SLC30A7: variants seen among roughly 807,000 people sequenced by gnomAD.
The protein encoded by SLC30A7 is zinc transporter 7.
A neutral mutation model predicts 46.0 loss-of-function variants in SLC30A7; 35 were observed. The ratio of observed to expected loss-of-function variants is 0.76; its 90% CI spans 0.58 to 1.01. The LOEUF is 1.01. Among genes scored for constraint, SLC30A7 ranks in the 50% least tolerant of loss-of-function variants. The pLI, the probability that SLC30A7 is intolerant of heterozygous loss-of-function variation, is 0.00. For missense variants in SLC30A7, 464 were observed against 451.1 expected (o/e 1.03, Z -0.26); for synonymous variants, 147 against 157.8 (o/e 0.93, Z 0.51).
intron 5 of SLC30A7, 78 bp from the exon 6 acceptor site, chr1:100,913,585 G>A (rs565824438): frequency 1.0e-6 from 1 of 1,000,866 alleles, no homozygotes; most frequent in African/African-American, 1.6e-5. Context: ...CTGATTCTTT[G>A]CGCTAGTGTC....
intron 10 of SLC30A7, among the ~76,000 whole-genome samples, chr1:100,966,992 G>T (rs930571056): frequency 2.0e-5 from 3 of 152,122 alleles, no homozygotes; most frequent in African/African-American, 4.8e-5. Flanking sequence ...TTCAGTTAAG[G>T]CTCATGCCAT....
chr1:100,934,855 A>G (rs1653857348), intron 8 of SLC30A7, among the ~76,000 whole-genome samples: 1 of 152,130 alleles, frequency 6.6e-6, no homozygotes. Flanking sequence ...TACCCATGTA[A>G]GAAACTGCTC....
chr1:100,990,629 C>A, the SLC30A7 span: 1 of 1,612,898 alleles, frequency 6.2e-7, no homozygotes, highest in South Asian at 1.1e-5. Context: ...TCCTCGGTAA[C>A]TGCTATTAAA....
intron 8 of SLC30A7, among the ~76,000 whole-genome samples, chr1:100,957,940 T>G (rs2101079737): frequency 6.6e-6 from 1 of 152,328 alleles, no homozygotes; most frequent in Admixed American, 6.5e-5. Context: ...CCATCATTTT[T>G]TTCTTTGCCT....
intron 8 of SLC30A7, among the ~76,000 whole-genome samples, chr1:100,933,139 C>T (rs917998402): frequency 1.3e-5 from 2 of 151,914 alleles, no homozygotes; most frequent in African/African-American, 4.8e-5. Context: ...TCACACCCAG[C>T]TAATTTTTGT....
downstream of SLC30A7, among the ~76,000 whole-genome samples, chr1:100,983,212 A>G (rs1339516824): frequency 6.6e-6 from 1 of 150,542 alleles, no homozygotes; most frequent in South Asian, 2.2e-4. Flanking sequence ...AGTCTAGAGC[A>G]AAAAAACAGC....
intron 10 of SLC30A7, among the ~76,000 whole-genome samples, chr1:100,974,123 G>A (rs1270033101): frequency 6.6e-6 from 1 of 152,134 alleles, no homozygotes; most frequent in African/African-American, 2.4e-5. Flanking sequence ...GCTTTAGGGG[G>A]TACAAGTGCA....
At chr1:100,956,930 A>G (rs1655254255) in intron 8 of SLC30A7, among the ~76,000 whole-genome samples, 2 of 152,260 alleles carry the variant, frequency 1.3e-5, no homozygotes, top group Non-Finnish European at 2.9e-5. Flanking sequence ...GCCCTAAATA[A>G]GTTTGATGAC....
intron 2 of SLC30A7, among the ~76,000 whole-genome samples, chr1:100,897,035 G>C (rs1397413483): frequency 6.6e-6 from 1 of 152,000 alleles, no homozygotes. Flanking sequence ...TCGGGGGGGA[G>C]TGGCATTTGG....
intron 7 of SLC30A7, 56 bp from the exon 8 acceptor site, chr1:100,921,650 T>G: frequency 7.0e-7 from 1 of 1,418,694 alleles, no homozygotes; most frequent in Non-Finnish European, 9.8e-7. Flanking sequence ...TAGGATATAT[T>G]CGTATTTTAA....
chr1:100,961,929 A>G lies in SLC30A7; in HGVS notation c.933+11A>G, dbSNP rs1286196817. ...CAGTGCTATCAGAGGGTGAGTTTCA[A>G]ATACTCCAAACCATTGGATTTTATG... On this transcript the variant is annotated intron_variant, in intron 9 of 10. Transcript: ENST00000357650. 7.2e-6 allele frequency: 11 copies of G among 1,529,584 alleles called. No homozygotes were observed. Among genetic ancestry groups the G allele is most frequent in the Middle Eastern group, 1.7e-4 (1 of 5,866 alleles). 94.8% of individuals were successfully genotyped at this position (1,529,584 alleles called of 1,614,324 possible). A position where few individuals can be genotyped will look rare whatever the true frequency, so the allele number is the denominator to read the frequency against.
At chr1:100,943,631 G>A (rs1654472485) in intron 8 of SLC30A7, among the ~76,000 whole-genome samples, 1 of 152,206 alleles carries the variant, frequency 6.6e-6, no homozygotes, top group Non-Finnish European at 1.5e-5. Flanking sequence ...CCAGCCATCA[G>A]TCAACTCATT....
chr1:100,902,777 T>G (rs1651389349), intron 2 of SLC30A7, among the ~76,000 whole-genome samples: 1 of 152,222 alleles, frequency 6.6e-6, no homozygotes, highest in East Asian at 1.9e-4. Context: ...ATAAGGACAC[T>G]GGATGAGGGC....
intron 8 of SLC30A7, among the ~76,000 whole-genome samples, chr1:100,940,700 C>G (rs1408095733): frequency 6.6e-6 from 1 of 152,108 alleles, no homozygotes; most frequent in Non-Finnish European, 1.5e-5. Context: ...CATGATCGGA[C>G]TATAACATTT....
intron 8 of SLC30A7, among the ~76,000 whole-genome samples, chr1:100,938,761 G>T (rs1195666967): frequency 6.6e-6 from 1 of 152,210 alleles, no homozygotes; most frequent in Non-Finnish European, 1.5e-5. Context: ...GAGAGCATCT[G>T]ATCTCAGGGA....
chr1:100,953,327 T>C (rs1274100287), intron 8 of SLC30A7, among the ~76,000 whole-genome samples: 1 of 152,236 alleles, frequency 6.6e-6, no homozygotes, highest in Non-Finnish European at 1.5e-5. Context: ...AGATTCCTGA[T>C]AGCTAGTTGA....
intron 3 of SLC30A7, among the ~76,000 whole-genome samples, chr1:100,909,079 T>C (rs1428222298): frequency 2.6e-5 from 4 of 151,670 alleles, no homozygotes; most frequent in Admixed American, 6.6e-5. Context: ...GTGTTTTCTT[T>C]TGGGAAAGAT....
intron 8 of SLC30A7, among the ~76,000 whole-genome samples, chr1:100,957,274 G>A (rs187757581): frequency 3.9e-5 from 6 of 152,162 alleles, no homozygotes; most frequent in African/African-American, 1.2e-4. Context: ...CTTAATAATC[G>A]CTTAATATTG....
chr1:100,942,141 C>T (rs1654385736), intron 8 of SLC30A7: 1 of 176,308 alleles, frequency 5.7e-6, no homozygotes, highest in African/African-American at 2.4e-5. Context: ...ACTTCTTACC[C>T]ATCAGTAGAT....
Sources: gnomAD v4.1 joint callset for allele counts (sites outside exome capture counted in the v4.1 genomes callset) on GRCh38, gnomAD v4.1.1 for gene constraint, MANE v1.5 for transcripts, NCBI Gene and HGNC (gene_info 2026-07-23, HGNC 2026-07-21) for gene names.